FBXO41: variants seen among roughly 807,000 people sequenced by gnomAD.
FBXO41 encodes F-box only protein 41.
A neutral mutation model predicts 81.6 loss-of-function variants in FBXO41; 33 were observed. The ratio of observed to expected loss-of-function variants is 0.40; its 90% CI spans 0.31 to 0.54. The LOEUF (loss-of-function observed/expected upper bound fraction) is 0.54. FBXO41 is among the 20% of genes least tolerant of loss of function. The probability of loss-of-function intolerance (pLI) is 0.39; values close to 1 mark genes in which losing one functional copy is unlikely to be tolerated. For synonymous variants in FBXO41, 576 were observed against 552.7 expected (o/e 1.04, Z -0.59); for missense variants, 1,107 against 1,236.0 (o/e 0.90, Z 1.56).
At chr2:73,263,576 C>A in intron 8 of FBXO41, 102 bp downstream of exon 8, 1 of 1,450,996 alleles carries the variant, frequency 6.9e-7, no homozygotes, top group South Asian at 1.3e-5. Context: ...GCTCTTGGAT[C>A]CCTTTGCTTG....
chr2:73,269,344 G>T lies in FBXO41; in HGVS notation c.287C>A (p.Ala96Asp), dbSNP rs765936173. ...GTGCGGCGCCGCGGGCGACGGCCCG[G>T]CCGCCTGCTCCTTGCCCTGGAAGGA... ...STSFQGKEQA[A>D]GPSPAAPHLL... is the part of the protein sequence containing the mutation. Residue 96 changes from alanine to aspartate, a missense_variant, in exon 2 of 13, where the codon GCC becomes GAC. Transcript: ENST00000520530. The surrounding 1 kb of genome is among the most constrained non-coding windows in gnomAD (Gnocchi z 7.0). 6.6e-7 allele frequency: 1 copy of T among 1,518,670 alleles called. No individual in the cohort carries two copies. Among genetic ancestry groups the T allele is most frequent in the South Asian group, 1.2e-5 (1 of 82,232 alleles). 94.1% of individuals were successfully genotyped at this position (1,518,670 alleles called of 1,614,324 possible). A position where few individuals can be genotyped will look rare whatever the true frequency, so the allele number is the denominator to read the frequency against.
At chr2:73,264,557 G>A (rs891150796) in intron 5 of FBXO41, 38 bp from the exon 6 acceptor site, 1 of 1,608,886 alleles carries the variant, frequency 6.2e-7, no homozygotes, top group Non-Finnish European at 8.5e-7. Flanking sequence ...AGCGTGGAGG[G>A]TCAAGGCTGG....
At chr2:73,282,034 G>A (rs1688863174) in intron 1 of FBXO41, among the ~76,000 whole-genome samples, 1 of 152,110 alleles carries the variant, frequency 6.6e-6, no homozygotes, top group Non-Finnish European at 1.5e-5. Flanking sequence ...TGCTCTTGTT[G>A]TCCAGGCTGG....
At position 73,260,894 on chromosome 2, in the gene FBXO41, T is replaced by C. The variant is rs1043890398; in HGVS notation, c.2172-36A>G. On this transcript the variant is annotated intron_variant, in intron 9 of 12. Transcript: ENST00000520530. This position sits in a 1 kb window ranked among gnomAD's most constrained non-coding sequence, Gnocchi z 5.0. ...GGAAGGGGGAGCCGTCAGGGAAGTC[T>C]CTGGATGCTTGATAACCCAGCATGC... 67 of 1,517,276 alleles carry C rather than the reference T, an allele frequency of 4.4e-5. No homozygotes were observed. The highest frequency in any genetic ancestry group is 2.0e-4 in the Admixed American group (10 of 49,594). The allele number at this position is 1,517,276 out of a possible 1,614,324, so 94.0% of individuals were successfully genotyped here.
intron 1 of FBXO41, among the ~76,000 whole-genome samples, chr2:73,274,002 C>T (rs558551447): frequency 1.3e-5 from 2 of 152,312 alleles, no homozygotes; most frequent in African/African-American, 4.8e-5. Flanking sequence ...GTGCTTTCAA[C>T]CCAACTGTTC....
Position 73,260,252 on chromosome 2 carries a change from C to A in FBXO41, c.2449+137G>T, listed in dbSNP as rs1204776920. The A allele has an allele frequency of 8.3e-7, 1 of 1,201,014 alleles. No individual in the cohort carries two copies. 74.4% of individuals were successfully genotyped at this position (1,201,014 alleles called of 1,614,324 possible). On this transcript the variant is annotated intron_variant, in intron 11 of 12. Coordinates refer to ENST00000520530, the MANE Select transcript of FBXO41 (RefSeq NM_001371389.2). This position sits in a 1 kb window ranked among gnomAD's most constrained non-coding sequence, Gnocchi z 5.0. ...GGTCAGTCAGGCTCTAGAACCAGTG[C>A]TCTTAACCTGTCCCCCTGCCTCTGC...
chr2:73,266,054 T>C lies in FBXO41; in HGVS notation c.1132-88A>G. On this transcript the variant is annotated intron_variant, in intron 3 of 12. Transcript: ENST00000520530. This position sits in a 1 kb window ranked among gnomAD's most constrained non-coding sequence, Gnocchi z 5.3. The stretch of plus-strand genomic sequence containing the variant: ...ATAGCAGGGGAAACAGGGCAAAAGA[T>C]GGAGAGGAGATGGGGGAGAGGAGAG... 3 of 1,168,752 alleles carry C rather than the reference T, an allele frequency of 2.6e-6. No homozygotes were observed. The East Asian group carries it at 7.8e-5, about 31-fold the overall frequency. 72.4% of individuals were successfully genotyped at this position (1,168,752 alleles called of 1,614,324 possible).
At chr2:73,265,064 C>T (rs577430996) in intron 5 of FBXO41, among the ~76,000 whole-genome samples, 5 of 149,838 alleles carry the variant, frequency 3.3e-5, no homozygotes, top group East Asian at 1.9e-4. Flanking sequence ...ACGTGAATGG[C>T]CCCCCTGCCC....
intron 7 of FBXO41, 54 bp from the exon 8 acceptor site, chr2:73,263,884 A>G: frequency 6.2e-7 from 1 of 1,613,952 alleles, no homozygotes; most frequent in Non-Finnish European, 8.5e-7. Flanking sequence ...TGGGAAACTT[A>G]ATTCCAGGTC....
rs747080156 is a variant in FBXO41 at position 73,266,567 on chromosome 2, G to T, written c.1021C>A (p.Arg341=). Residue 341 remains arginine (R), a synonymous_variant, in exon 3 of 13, where the codon CGG becomes AGG. Coordinates refer to ENST00000520530, the MANE Select transcript of FBXO41 (RefSeq NM_001371389.2). This position sits in a 1 kb window ranked among gnomAD's most constrained non-coding sequence, Gnocchi z 5.3. ...ELLERADRAE[R]QLQVISSSCG... is the part of the protein sequence containing the mutation. The stretch of plus-strand genomic sequence containing the variant: ...CTGCTGCTGATGACCTGCAGCTGCC[G>T]CTCGGCACGGTCAGCCCGCTCAAGG... 2 of 1,610,432 alleles carry T rather than the reference G, an allele frequency of 1.2e-6. No homozygotes were observed. Among genetic ancestry groups the T allele is most frequent in the Admixed American group, 3.3e-5 (2 of 59,860 alleles).
chr2:73,261,698 C>CA lies in FBXO41; in HGVS notation c.2172-841dup, dbSNP rs79062333. 4.6e-5 allele frequency among the ~76,000 whole-genome samples: 7 copies of CA among 152,192 alleles called. No homozygotes were observed. In the East Asian group the frequency reaches 1.2e-3, roughly 25 times the overall value. ...CTTCCAATACTTTCTAGATAAAATG[C>CA]AAAAAAACCTAAATTCCTTAGCAAG... is the stretch of plus-strand genomic sequence containing the variant. On this transcript the variant is annotated intron_variant, in intron 9 of 12. Coordinates refer to ENST00000520530, the MANE Select transcript of FBXO41 (RefSeq NM_001371389.2).
chr2:73,260,427 G>A lies in FBXO41; in HGVS notation c.2411C>T (p.Ala804Val), dbSNP rs773461135. 6 of 1,611,120 alleles carry A rather than the reference G, an allele frequency of 3.7e-6. No homozygotes were observed. Among genetic ancestry groups the A allele is most frequent in the East Asian group, 2.2e-5 (1 of 44,800 alleles). ...TAGGGCCTTAGGGGTGACGGGAGTCGCCGTGAGCACCAGCATCTCCAGTCC... is the reference window on the plus strand; with the variant it reads ...TAGGGCCTTAGGGGTGACGGGAGTCACCGTGAGCACCAGCATCTCCAGTCC... Reference protein sequence around the residue: ...LKGLEMLVLTATPVTPKALLH... With the variant: ...LKGLEMLVLTVTPVTPKALLH... The change falls in exon 11 of 13, where the codon GCG (alanine) becomes GTG (valine). Residue 804 changes from alanine (A) to valine (V), a missense_variant. By Grantham distance (64) the Ala-to-Val change is moderately conservative. Around this residue, in one of 2 missense-constraint regions of FBXO41, gnomAD observed 336 missense variants for 446.7 expected, o/e 0.75. Coordinates refer to ENST00000520530, the MANE Select transcript of FBXO41 (RefSeq NM_001371389.2). The surrounding 1 kb of genome is among the most constrained non-coding windows in gnomAD (Gnocchi z 5.0).
intron 1 of FBXO41, among the ~76,000 whole-genome samples, chr2:73,279,157 TGG>T (rs1285003364): frequency 3.3e-5 from 5 of 152,146 alleles, no homozygotes; most frequent in Non-Finnish European, 7.4e-5. Flanking sequence ...AGAATGACTG[TGG>T]CAGGTAAGAA....
chr2:73,265,780 A>G, intron 4 of FBXO41, 113 bp downstream of exon 4: 1 of 1,437,868 alleles, frequency 7.0e-7, no homozygotes, highest in Non-Finnish European at 9.4e-7. Flanking sequence ...AAAGGCAGAC[A>G]TACGTGACCC....
At chr2:73,263,532 C>A in intron 8 of FBXO41, 146 bp downstream of exon 8, 1 of 1,062,572 alleles carries the variant, frequency 9.4e-7, no homozygotes, top group Non-Finnish European at 1.3e-6. Context: ...GTGGCCTCTG[C>A]TCTTGCCAAG....
chr2:73,274,548 C>CAGAG (rs1688631020), intron 1 of FBXO41, among the ~76,000 whole-genome samples: 1 of 152,176 alleles, frequency 6.6e-6, no homozygotes, highest in African/African-American at 2.4e-5. Flanking sequence ...TCTCCCTACC[C>CAGAG]AGAGATTATA....
rs566389494 is a variant in FBXO41 at position 73,271,317 on chromosome 2, A to T, written c.-138-1549T>A. The T allele has an allele frequency of 2.0e-5, 5 of 248,292 alleles. No homozygotes were observed. The East Asian group carries it at 5.2e-4, about 26-fold the overall frequency. The allele number at this position is 248,292 out of a possible 1,614,324, so 15.4% of individuals were successfully genotyped here. A position where few individuals can be genotyped will look rare whatever the true frequency, so the allele number is the denominator to read the frequency against. ...ATCCTTCCCCACTTTCTCAGTCCAC[A>T]TGGTCTTGGGGATATGACATAGACC... On this transcript the variant is annotated intron_variant, in intron 1 of 12. Transcript: ENST00000520530.
rs781541324 is a variant in FBXO41, at chr2:73,269,618, C to G, written c.13G>C (p.Asp5His). ...CAGCGGGGGCAGCGGTACGGCAGGTCCAGCGAGGCCATGGCCCCGCCGCCC... is the reference window on the plus strand; with the variant it reads ...CAGCGGGGGCAGCGGTACGGCAGGTGCAGCGAGGCCATGGCCCCGCCGCCC... MASLDLPYRCPRCGE... is the reference protein window; with the variant it reads MASLHLPYRCPRCGE... The change falls in exon 2 of 13, where the codon GAC (aspartate) becomes CAC (histidine). Residue 5 changes from aspartate (D) to histidine (H), a missense_variant. Coordinates refer to ENST00000520530, the MANE Select transcript of FBXO41 (RefSeq NM_001371389.2). The surrounding 1 kb of genome is among the most constrained non-coding windows in gnomAD (Gnocchi z 7.0). The G allele has an allele frequency of 8.7e-6, 11 of 1,257,712 alleles. No individual in the cohort carries two copies. In the South Asian group the frequency reaches 2.3e-4, roughly 27 times the overall value. 77.9% of individuals were successfully genotyped at this position (1,257,712 alleles called of 1,614,324 possible).
At chr2:73,274,063 T>A (rs904200436) in intron 1 of FBXO41, among the ~76,000 whole-genome samples, 4 of 152,250 alleles carry the variant, frequency 2.6e-5, no homozygotes, top group Non-Finnish European at 5.9e-5. Context: ...ACATCTAGAC[T>A]GCTGGCCCAG....
Sources: allele counts gnomAD v4.1 joint callset (sites outside exome capture counted in the v4.1 genomes callset), GRCh38; gene constraint gnomAD v4.1.1; regional missense constraint gnomAD v4.1.1; non-coding constraint Gnocchi (gnomAD v3.1); transcripts MANE v1.5; gene names NCBI Gene and HGNC (gene_info 2026-07-23, HGNC 2026-07-21).